Variants in TMEM242 observed in about 807,000 individuals in gnomAD.
TMEM242 encodes transmembrane protein 242, also known as UPF0463 transmembrane protein C6orf35.
A neutral mutation model predicts 18.2 loss-of-function variants in TMEM242; 10 were observed. That is an observed-to-expected ratio of 0.55 (90% confidence interval 0.34 to 0.93). The LOEUF is 0.93. Among genes scored for constraint, TMEM242 ranks in the 40% least tolerant of loss-of-function variants. TMEM242 has a pLI of 0.02. For synonymous variants in TMEM242, 57 were observed against 69.9 expected, an observed-to-expected ratio of 0.81 and a Z score of 0.92; for missense variants, 186 against 175.5, an observed-to-expected ratio of 1.06 and a Z score of -0.34.
At chr6:157,322,606 G>T in intron 2 of TMEM242, 99 bp downstream of exon 2, 2 of 942,034 alleles carry the variant, frequency 2.1e-6, no homozygotes, top group Non-Finnish European at 3.2e-6. Flanking sequence ...ACATCTTAAA[G>T]CAATGTGAAA....
At chr6:157,301,502 G>C (rs1401080051) in intron 3 of TMEM242, among the ~76,000 whole-genome samples, 1 of 152,086 alleles carries the variant, frequency 6.6e-6, no homozygotes, top group Non-Finnish European at 1.5e-5. Flanking sequence ...AGTAGAGACA[G>C]GGTTTCACCA....
At chr6:157,307,655 T>C (rs995593229) in intron 3 of TMEM242, among the ~76,000 whole-genome samples, 3 of 152,192 alleles carry the variant, frequency 2.0e-5, no homozygotes, top group South Asian at 2.1e-4. Flanking sequence ...AGAAGAGTTA[T>C]AGAGATGTTC....
At chr6:157,312,561 C>G (rs797023759) in intron 3 of TMEM242, among the ~76,000 whole-genome samples, 1 of 107,862 alleles carries the variant, frequency 9.3e-6, no homozygotes, top group Admixed American at 9.9e-5. Context: ...TCATAGTGCC[C>G]CAGTGTACGC....
intron 3 of TMEM242, among the ~76,000 whole-genome samples, chr6:157,316,130 A>T (rs1778385900): frequency 6.6e-6 from 1 of 152,246 alleles, no homozygotes; most frequent in African/African-American, 2.4e-5. Flanking sequence ...ACATTACTAA[A>T]CACTGGAAAC....
At chr6:157,308,996 G>A (rs587622939) in intron 3 of TMEM242, among the ~76,000 whole-genome samples, 4 of 152,252 alleles carry the variant, frequency 2.6e-5, no homozygotes, top group South Asian at 2.1e-4. Context: ...GTGAAAAATT[G>A]CAATCTAAAT....
chr6:157,292,808 TG>T lies in TMEM242; in HGVS notation c.*92del. ...TCAGTCAGCAATCTGCCCATGTTCC[TG>T]GGAGAAATCAGTCCCAGTCCTTTTG... On this transcript the variant is annotated 3_prime_UTR_variant, in exon 4 of 4. Transcript: ENST00000400788. 1 of 1,000,958 alleles carries T rather than the reference TG, an allele frequency of 1.0e-6. No homozygotes were observed. Among genetic ancestry groups the T allele is most frequent in the Non-Finnish European group, 1.6e-6 (1 of 644,638 alleles). 62.0% of individuals were successfully genotyped at this position (1,000,958 alleles called of 1,614,324 possible).
Position 157,318,840 on chromosome 6 carries a change from G to A in TMEM242, c.269C>T (p.Ala90Val). The change falls in exon 3 of 4, where the codon GCA (alanine) becomes GTA (valine). Residue 90 changes from alanine to valine, a missense_variant. By Grantham distance (64) the Ala-to-Val change is moderately conservative (BLOSUM62 0). Transcript: ENST00000400788. ...LRALGWGSLY[A>V]WCGVGVISFA... Reference sequence around the variant, plus strand: ...GCTAATCACACCAACCCCACACCATGCATACAGGGAGCCCCAGCCCAGAGC... The same window carrying A: ...GCTAATCACACCAACCCCACACCATACATACAGGGAGCCCCAGCCCAGAGC... 6.2e-7 allele frequency: 1 copy of A among 1,613,960 alleles called. No individual in the cohort carries two copies. The highest frequency in any genetic ancestry group is 1.1e-5 in the South Asian group (1 of 91,042).
intron 2 of TMEM242, among the ~76,000 whole-genome samples, chr6:157,322,021 T>G (rs1778504712): frequency 6.6e-6 from 1 of 152,236 alleles, no homozygotes; most frequent in Admixed American, 6.5e-5. Context: ...AGTATGATTA[T>G]TAAAGATAAA....
At chr6:157,313,055 G>C (rs1554249589) in intron 3 of TMEM242, among the ~76,000 whole-genome samples, 4,959 of 81,224 alleles carry the variant, frequency 0.061, 1 homozygote, top group South Asian at 0.083. Flanking sequence ...CACTCACCTG[G>C]CCTCATCATA....
Position 157,295,263 on chromosome 6 carries a change from T to C in TMEM242, c.328-2264A>G, listed in dbSNP as rs367883876. On this transcript the variant is annotated intron_variant, in intron 3 of 3. Coordinates refer to ENST00000400788, the MANE Select transcript of TMEM242 (RefSeq NM_018452.6). ...ACTAATCTTGAAGACACACAGCTCATGGATGTCTCCCTCCCCACTCCCTCT... is the reference window on the plus strand; with the variant it reads ...ACTAATCTTGAAGACACACAGCTCACGGATGTCTCCCTCCCCACTCCCTCT... Among the ~76,000 whole-genome samples, 24 of 152,332 alleles carry C rather than the reference T, an allele frequency of 1.6e-4. No individual in the cohort carries two copies. The East Asian group carries it at 2.3e-3, about 15-fold the overall frequency.
chr6:157,304,368 G>A (rs1326619265), intron 3 of TMEM242, among the ~76,000 whole-genome samples: 1 of 150,052 alleles, frequency 6.7e-6, no homozygotes, highest in Non-Finnish European at 1.5e-5. Flanking sequence ...GGGAGGCTGA[G>A]GCAGGAAAAT....
intron 3 of TMEM242, chr6:157,300,236 G>A (rs1485040251): frequency 2.8e-5 from 11 of 392,358 alleles, no homozygotes; most frequent in South Asian, 7.6e-5. Flanking sequence ...TGGCGAGTGC[G>A]CAAGACACGC....
intron 3 of TMEM242, among the ~76,000 whole-genome samples, chr6:157,298,387 T>C (rs1351765768): frequency 2.0e-5 from 3 of 152,234 alleles, no homozygotes; most frequent in African/African-American, 7.2e-5. Context: ...TTCTAAAAGC[T>C]TTCTGAATTA....
chr6:157,310,585 C>T (rs890927133), intron 3 of TMEM242, among the ~76,000 whole-genome samples: 1 of 142,196 alleles, frequency 7.0e-6, no homozygotes, highest in African/African-American at 2.8e-5. Context: ...TGTGCGCTCA[C>T]CCGGCCTCAT....
chr6:157,318,782 A>G lies in TMEM242; in HGVS notation c.327T>C (p.Ser109=). Reference sequence around the variant, plus strand: ...CAGGGACAAGACAGTAGTTACTTACACTGTGAACTCCTAAAGCTTTCCAGA... The same window carrying G: ...CAGGGACAAGACAGTAGTTACTTACGCTGTGAACTCCTAAAGCTTTCCAGA... ...FAVWKALGVH[S]MNDFRSKMQS... The change falls in exon 3 of 4, where the codon AGT becomes AGC. Residue 109 remains serine (S), a splice_region_variant and synonymous_variant. Transcript: ENST00000400788. 2 of 1,614,070 alleles carry G rather than the reference A, an allele frequency of 1.2e-6. No individual in the cohort carries two copies. The highest frequency in any genetic ancestry group is 2.2e-5 in the East Asian group (1 of 44,888).
At chr6:157,306,727 A>T (rs181464490) in intron 3 of TMEM242, among the ~76,000 whole-genome samples, 1 of 152,330 alleles carries the variant, frequency 6.6e-6, no homozygotes, top group African/African-American at 2.4e-5. Flanking sequence ...TTTCACAAGT[A>T]AGTGGGACAG....
chr6:157,293,355 A>AAAACAAAC (rs111648623), intron 3 of TMEM242, among the ~76,000 whole-genome samples: 12,981 of 148,300 alleles, frequency 0.088, 589 homozygotes, highest in South Asian at 0.14. Context: ...TATCTCTTTA[A>AAAACAAAC]AAACAAACAA....
rs62425613 is a variant in TMEM242 at position 157,313,833 on chromosome 6, C to G, written c.327+4949G>C. Among the ~76,000 whole-genome samples, 507 of 141,644 alleles carry G rather than the reference C, an allele frequency of 3.6e-3. 2 individuals carry two copies. The highest frequency in any genetic ancestry group is 0.012 in the African/African-American group (470 of 40,092). The allele number at this position is 141,644 out of a possible 152,430, so 92.9% of individuals were successfully genotyped here. The stretch of plus-strand genomic sequence containing the variant: ...TCAGAGCGCCCCAGTGTGCGCTCAC[C>G]TAGCCTCATCACAGTGCCCCAGTGT... On this transcript the variant is annotated intron_variant, in intron 3 of 3. Transcript: ENST00000400788.
At chr6:157,294,444 G>A (rs370905428) in intron 3 of TMEM242, among the ~76,000 whole-genome samples, 4 of 141,944 alleles carry the variant, frequency 2.8e-5, no homozygotes, top group African/African-American at 5.3e-5. Flanking sequence ...TCCGCCTCCC[G>A]GGTTCACGCC....
Sources: gnomAD v4.1 joint callset for allele counts (sites outside exome capture counted in the v4.1 genomes callset) on GRCh38, gnomAD v4.1.1 for gene constraint, MANE v1.5 for transcripts, NCBI Gene and HGNC (gene_info 2026-07-23, HGNC 2026-07-21) for gene names.